Variants in ADGRL3 observed in about 807,000 individuals in gnomAD.
ADGRL3 encodes the protein calcium-independent alpha-latrotoxin receptor 3.
Under a neutral mutation model 153.5 loss-of-function variants are expected in ADGRL3, and 62 were observed. The observed-to-expected ratio is 0.40, with a 90% CI of 0.33 to 0.50. ADGRL3 has a LOEUF of 0.50. Ranked by LOEUF, ADGRL3 falls within the 20% of genes least tolerant of loss-of-function variation. The pLI is 0.47. For synonymous variants in ADGRL3, 710 were observed against 672.5 expected, an observed-to-expected ratio of 1.06 and a Z score of -0.86; for missense variants, 1,641 against 1,859.4, an observed-to-expected ratio of 0.88 and a Z score of 2.16.
intron 17 of ADGRL3, among the ~76,000 whole-genome samples, chr4:61,963,541 T>C (rs1259016834): frequency 6.6e-6 from 1 of 152,178 alleles, no homozygotes; most frequent in East Asian, 1.9e-4. Flanking sequence ...GCATTAAGTC[T>C]CTTAGAAAAA....
At chr4:62,022,163 AT>A (rs1242487867) in intron 21 of ADGRL3, among the ~76,000 whole-genome samples, 4 of 152,196 alleles carry the variant, frequency 2.6e-5, no homozygotes, top group African/African-American at 9.6e-5. Context: ...AAATAGCCTT[AT>A]TGCCTCAAAA....
intron 3 of ADGRL3, among the ~76,000 whole-genome samples, chr4:61,509,013 C>T (rs560845008): frequency 4.5e-4 from 68 of 152,234 alleles, no homozygotes; most frequent in African/African-American, 1.5e-3. Context: ...GAGGAAACCA[C>T]CCCCATGATT....
chr4:61,796,770 AT>A (rs1277771164), intron 8 of ADGRL3, among the ~76,000 whole-genome samples: 8 of 152,234 alleles, frequency 5.3e-5, no homozygotes, highest in African/African-American at 1.9e-4. Context: ...ATGATCTTGA[AT>A]TTTTCTTTAG....
At chr4:61,480,790 A>ATAAG (rs2098124245) in intron 2 of ADGRL3, among the ~76,000 whole-genome samples, 1 of 152,050 alleles carries the variant, frequency 6.6e-6, no homozygotes, top group Non-Finnish European at 1.5e-5. Context: ...CTCAAAATAA[A>ATAAG]TAAATAAATA....
intron 5 of ADGRL3, among the ~76,000 whole-genome samples, chr4:61,590,213 G>A (rs1254283051): frequency 1.3e-5 from 2 of 152,050 alleles, no homozygotes; most frequent in South Asian, 2.1e-4. Context: ...CAAATTGTAG[G>A]CTTCTAGAAG....
intron 1 of ADGRL3, among the ~76,000 whole-genome samples, chr4:61,257,197 T>A (rs72633455): frequency 6.6e-6 from 1 of 152,290 alleles, no homozygotes; most frequent in Non-Finnish European, 1.5e-5. Flanking sequence ...TTCTATTAAA[T>A]CCATATTCCC....
At chr4:62,069,545 G>C (rs905215483) in intron 26 of ADGRL3, among the ~76,000 whole-genome samples, 7 of 151,846 alleles carry the variant, frequency 4.6e-5, no homozygotes, top group Non-Finnish European at 1.0e-4. Flanking sequence ...TTGTGGTTTT[G>C]TATGAAGGGA....
intron 1 of ADGRL3, among the ~76,000 whole-genome samples, chr4:61,302,044 G>A (rs2094595149): frequency 6.6e-6 from 1 of 152,152 alleles, no homozygotes; most frequent in Admixed American, 6.6e-5. Flanking sequence ...TACAAAGTTT[G>A]TATTATAATC....
At chr4:61,782,411 A>G (rs1430778895) in intron 8 of ADGRL3, among the ~76,000 whole-genome samples, 1 of 152,204 alleles carries the variant, frequency 6.6e-6, no homozygotes. Context: ...ATGGTAATGA[A>G]GAAGTTAATT....
At chr4:61,977,217 CT>C (rs77097620) in intron 17 of ADGRL3, among the ~76,000 whole-genome samples, 2,741 of 135,112 alleles carry the variant, frequency 0.02, 65 homozygotes, top group African/African-American at 0.058. Flanking sequence ...TTTTCTTGTT[CT>C]TTTTTTTTTT....
chr4:61,904,028 C>T (rs781696140), intron 11 of ADGRL3, among the ~76,000 whole-genome samples: 21 of 151,606 alleles, frequency 1.4e-4, no homozygotes, highest in Non-Finnish European at 1.0e-4. Context: ...ACTGGCCTCC[C>T]GAAGTGCTGG....
chr4:61,898,985 A>T (rs2098648156), intron 11 of ADGRL3, among the ~76,000 whole-genome samples: 1 of 147,898 alleles, frequency 6.8e-6, no homozygotes. Flanking sequence ...TACTGTACAC[A>T]TGGCTGGGAA....
chr4:61,686,237 G>A (rs567263596), intron 6 of ADGRL3, among the ~76,000 whole-genome samples: 3 of 151,966 alleles, frequency 2.0e-5, no homozygotes, highest in South Asian at 2.1e-4. Flanking sequence ...AAAATATACC[G>A]CATACAAGAA....
At chr4:61,317,191 T>C (rs2342716) in intron 1 of ADGRL3, among the ~76,000 whole-genome samples, 107,471 of 152,076 alleles carry the variant, frequency 0.71, 38,266 homozygotes, top group East Asian at 0.96. Context: ...TTAAAAACCT[T>C]GAGGCCTGGA....
chr4:61,550,650 G>T (rs1286919073), intron 4 of ADGRL3, among the ~76,000 whole-genome samples: 3 of 100,998 alleles, frequency 3.0e-5, no homozygotes, highest in South Asian at 3.7e-4. Context: ...AAATTTTTAA[G>T]ATTTTCTTAA....
At chr4:61,463,028 G>A (rs1665843525) in intron 2 of ADGRL3, among the ~76,000 whole-genome samples, 2 of 152,114 alleles carry the variant, frequency 1.3e-5, no homozygotes, top group African/African-American at 4.8e-5. Flanking sequence ...GGTGAAATAG[G>A]TTAAAAGTAA....
chr4:61,497,746 G>A (rs968831908), intron 3 of ADGRL3, among the ~76,000 whole-genome samples: 3 of 150,038 alleles, frequency 2.0e-5, no homozygotes, highest in South Asian at 2.1e-4. Flanking sequence ...GGATGGTCTC[G>A]ATTTCCTGAC....
rs558502616 is a variant in ADGRL3 at position 61,722,962 on chromosome 4, C to T, written c.584-7660C>T. Among the ~76,000 whole-genome samples, 46 of 152,258 alleles carry T rather than the reference C, an allele frequency of 3.0e-4. 1 individual carries two copies. Among genetic ancestry groups the T allele is most frequent in the Admixed American group, 8.5e-4 (13 of 15,294 alleles). ...TTCATTTTTAATATCATATTTGTTA[C>T]ATATCCAGAGCTGGATGTATAGAAC... On this transcript the variant is annotated intron_variant, in intron 6 of 26. Coordinates refer to ENST00000683033, the MANE Select transcript of ADGRL3 (RefSeq NM_001387552.1).
chr4:61,621,030 G>GT (rs1403204037), intron 5 of ADGRL3, among the ~76,000 whole-genome samples: 2 of 151,732 alleles, frequency 1.3e-5, no homozygotes, highest in African/African-American at 2.4e-5. Flanking sequence ...ATTTTTGTTT[G>GT]TTTTTTATTT....
Sources: allele counts gnomAD v4.1 joint callset (sites outside exome capture counted in the v4.1 genomes callset), GRCh38; gene constraint gnomAD v4.1.1; transcripts MANE v1.5; gene names NCBI Gene and HGNC (gene_info 2026-07-23, HGNC 2026-07-21).